NLGN1: variants seen among roughly 807,000 people sequenced by gnomAD.
The protein encoded by NLGN1 is neuroligin 1.
Under a neutral mutation model 65.5 loss-of-function variants are expected in NLGN1, and 12 were observed. That is an observed-to-expected ratio of 0.18 (90% CI 0.12 to 0.30). The LOEUF (loss-of-function observed/expected upper bound fraction) is 0.30, where lower values mean the gene tolerates loss of function less well. Among genes scored for constraint, NLGN1 ranks in the 10% least tolerant of loss-of-function variants. NLGN1 has a pLI of 1.00. For synonymous variants in NLGN1, 350 were observed against 359.5 expected (o/e 0.97, Z 0.30); for missense variants, 750 against 1,007.1 (o/e 0.74, Z 3.46).
chr3:174,265,775 A>ATG (rs1192767302), intron 4 of NLGN1, among the ~76,000 whole-genome samples: 1 of 117,522 alleles, frequency 8.5e-6, no homozygotes, highest in Non-Finnish European at 1.7e-5. Flanking sequence ...ATATATATAT[A>ATG]TATATATGTA....
intron 4 of NLGN1, among the ~76,000 whole-genome samples, chr3:174,219,921 A>G (rs1214850405): frequency 6.6e-6 from 1 of 152,130 alleles, no homozygotes; most frequent in African/African-American, 2.4e-5. Flanking sequence ...GCATTAGTAC[A>G]GAAGAGCAGC....
intron 4 of NLGN1, among the ~76,000 whole-genome samples, chr3:174,267,486 T>C (rs1171209396): frequency 6.6e-6 from 1 of 152,188 alleles, no homozygotes; most frequent in African/African-American, 2.4e-5. Context: ...TTTACCACAC[T>C]AAATGTTGGG....
At chr3:174,182,480 C>G (rs1276457017) in intron 4 of NLGN1, among the ~76,000 whole-genome samples, 1 of 152,130 alleles carries the variant, frequency 6.6e-6, no homozygotes, top group Non-Finnish European at 1.5e-5. Flanking sequence ...AACTGTGCTT[C>G]TCAAAGTACA....
intron 4 of NLGN1, among the ~76,000 whole-genome samples, chr3:174,258,035 T>C (rs940256793): frequency 6.6e-6 from 1 of 151,910 alleles, no homozygotes; most frequent in Non-Finnish European, 1.5e-5. Context: ...GAATTATATA[T>C]GAGAAGACCA....
intron 4 of NLGN1, among the ~76,000 whole-genome samples, chr3:174,238,278 G>A (rs1309616412): frequency 6.6e-6 from 1 of 151,648 alleles, no homozygotes; most frequent in Non-Finnish European, 1.5e-5. Flanking sequence ...AACTCTTAAG[G>A]TTAAATAGAC....
chr3:174,040,129 G>GA (rs1731962367), intron 4 of NLGN1, among the ~76,000 whole-genome samples: 1 of 152,100 alleles, frequency 6.6e-6, no homozygotes, highest in Non-Finnish European at 1.5e-5. Context: ...TGACATACAG[G>GA]TTGCCCCATT....
intron 4 of NLGN1, among the ~76,000 whole-genome samples, chr3:174,224,279 A>C (rs1222936037): frequency 6.6e-6 from 1 of 152,172 alleles, no homozygotes; most frequent in Non-Finnish European, 1.5e-5. Context: ...TATTTTGTTG[A>C]GCATAAGATA....
At chr3:173,604,541 T>C in exon 3 of NLGN1, 1 of 1,569,738 alleles carries the variant, frequency 6.4e-7, no homozygotes, top group Middle Eastern at 1.7e-4. Flanking sequence ...CTTTCTCAAG[T>C]GGATATAAAT....
intron 4 of NLGN1, among the ~76,000 whole-genome samples, chr3:173,963,674 A>G (rs1329074785): frequency 1.3e-5 from 2 of 152,232 alleles, no homozygotes; most frequent in African/African-American, 4.8e-5. Context: ...TAATTAGGAC[A>G]GGATGTTATC....
chr3:173,647,616 A>C (rs1758483655), intron 3 of NLGN1, among the ~76,000 whole-genome samples: 1 of 152,148 alleles, frequency 6.6e-6, no homozygotes, highest in Admixed American at 6.5e-5. Context: ...AAAAATGGAA[A>C]ATATTTTAAA....
intron 4 of NLGN1, among the ~76,000 whole-genome samples, chr3:173,819,918 G>A (rs922650703): frequency 6.6e-6 from 1 of 152,090 alleles, no homozygotes; most frequent in African/African-American, 2.4e-5. Context: ...TATGGAATGT[G>A]GGTAATAAAT....
intron 4 of NLGN1, among the ~76,000 whole-genome samples, chr3:173,819,183 A>C (rs1719663753): frequency 6.6e-6 from 1 of 151,804 alleles, no homozygotes; most frequent in South Asian, 2.1e-4. Context: ...AGCTTATGTT[A>C]GTTTTCTTCT....
intron 2 of NLGN1, among the ~76,000 whole-genome samples, chr3:173,475,073 G>A (rs969619421): frequency 1.3e-5 from 2 of 152,080 alleles, no homozygotes; most frequent in African/African-American, 4.8e-5. Flanking sequence ...CTTAGATGCA[G>A]CATCAAAATT....
chr3:173,755,399 G>A (rs1222401429), intron 3 of NLGN1, among the ~76,000 whole-genome samples: 1 of 152,046 alleles, frequency 6.6e-6, no homozygotes, highest in African/African-American at 2.4e-5. Flanking sequence ...ACAAAATACT[G>A]CTGAGACATC....
intron 1 of NLGN1, among the ~76,000 whole-genome samples, chr3:173,432,753 G>A (rs1272336760): frequency 4.0e-5 from 6 of 151,732 alleles, no homozygotes; most frequent in Non-Finnish European, 8.8e-5. Flanking sequence ...TTTCTTTTGT[G>A]GATTGTGCCT....
intron 4 of NLGN1, among the ~76,000 whole-genome samples, chr3:174,245,992 T>C (rs1339105087): frequency 6.6e-6 from 1 of 152,214 alleles, no homozygotes; most frequent in Non-Finnish European, 1.5e-5. Flanking sequence ...GTACGTTTAT[T>C]GAGTTTCTAT....
Position 173,787,627 on chromosome 3 carries a change from T to C in NLGN1, c.494-20053T>C, listed in dbSNP as rs112995713. On this transcript the variant is annotated intron_variant, in intron 3 of 6. Transcript: ENST00000457714. ...TAAGGAAGGAAAAATCCATAAAGCA[T>C]GAGGCCTCTTATCCCATATTGATTC... 4.4e-3 allele frequency among the ~76,000 whole-genome samples: 666 copies of C among 152,316 alleles called. 4 individuals carry two copies. The highest frequency in any genetic ancestry group is 0.015 in the African/African-American group (625 of 41,586).
intron 4 of NLGN1, among the ~76,000 whole-genome samples, chr3:174,233,392 G>A (rs932016971): frequency 9.2e-5 from 14 of 151,782 alleles, no homozygotes; most frequent in African/African-American, 2.2e-4. Context: ...AGGCTGAGGC[G>A]GGAGAATCGC....
intron 3 of NLGN1, among the ~76,000 whole-genome samples, chr3:173,668,066 G>C (rs1165019467): frequency 6.6e-6 from 1 of 152,186 alleles, no homozygotes; most frequent in Non-Finnish European, 1.5e-5. Context: ...GATACAATGT[G>C]ATTTCCTTAA....
Sources: gnomAD v4.1 joint callset for allele counts (sites outside exome capture counted in the v4.1 genomes callset) on GRCh38, gnomAD v4.1.1 for gene constraint, MANE v1.5 for transcripts, NCBI Gene and HGNC (gene_info 2026-07-23, HGNC 2026-07-21) for gene names.